TSGA10: variants seen among roughly 807,000 people sequenced by gnomAD.
TSGA10 encodes testis-specific gene 10 protein.
Under a neutral mutation model 96.6 loss-of-function variants are expected in TSGA10, and 43 were observed. That is an observed-to-expected ratio of 0.44 (90% CI 0.35 to 0.57). The LOEUF (loss-of-function observed/expected upper bound fraction) is 0.57, where lower values mean the gene tolerates loss of function less well. TSGA10 is among the 20% of genes least tolerant of loss of function. The probability of loss-of-function intolerance (pLI) is 0.01; values close to 1 mark genes in which losing one functional copy is unlikely to be tolerated. For missense variants in TSGA10, 703 were observed against 834.4 expected, an observed-to-expected ratio of 0.84 and a Z score of 1.94; for synonymous variants, 229 against 269.9, an observed-to-expected ratio of 0.85 and a Z score of 1.48.
chr2:99,030,769 C>T (rs1408399048), intron 17 of TSGA10, among the ~76,000 whole-genome samples: 4 of 152,144 alleles, frequency 2.6e-5, no homozygotes, highest in African/African-American at 7.2e-5. Context: ...AAAAAGAATA[C>T]TTCTTTTTAT....
At chr2:99,084,063 C>G (rs2087918857) in intron 10 of TSGA10, among the ~76,000 whole-genome samples, 1 of 151,986 alleles carries the variant, frequency 6.6e-6, no homozygotes, top group South Asian at 2.1e-4. Flanking sequence ...TTGTAACTTC[C>G]TACAAATTAT....
At chr2:99,111,590 T>C (rs569352197) in intron 4 of TSGA10, among the ~76,000 whole-genome samples, 1 of 152,314 alleles carries the variant, frequency 6.6e-6, no homozygotes, top group African/African-American at 2.4e-5. Flanking sequence ...CTGGAATTAT[T>C]GTACTTCATT....
At chr2:99,102,245 T>C in intron 10 of TSGA10, 1 of 1,612,594 alleles carries the variant, frequency 6.2e-7, no homozygotes, top group South Asian at 1.1e-5. Context: ...AGTTAGTACC[T>C]GGTGGCAAAG....
At position 99,108,845 on chromosome 2, in the gene TSGA10, A is replaced by G; in HGVS notation, c.198T>C (p.Leu66=). Residue 66 remains leucine (L), a synonymous_variant, in exon 7 of 21, where the codon CTT becomes CTC. Transcript: ENST00000393483. ...TTTGTAAGTTTACCTGTTCATAAAG[A>G]AGGAAGATCTTGTCTCTCTCAGATT... is the stretch of plus-strand genomic sequence containing the variant. ...VLKSERDKIF[L]LYEQAQEEIT... The G allele has an allele frequency of 6.4e-7, 1 of 1,571,038 alleles. No homozygotes were observed. The highest frequency in any genetic ancestry group is 8.6e-7 in the Non-Finnish European group (1 of 1,166,414).
At chr2:99,074,000 CTTTTTTTTTTTTTTTTTTT>C (rs1167854716) in intron 12 of TSGA10, among the ~76,000 whole-genome samples, 1 of 52,608 alleles carries the variant, frequency 1.9e-5, no homozygotes, top group African/African-American at 7.5e-5. Flanking sequence ...TGTTTCTTTT[CTTTTTTTTTTTTTTTTTTT>C]TTTTTTTTTT....
At chr2:99,036,971 C>A (rs150196164) in intron 16 of TSGA10, among the ~76,000 whole-genome samples, 3 of 151,980 alleles carry the variant, frequency 2.0e-5, no homozygotes, top group South Asian at 2.1e-4. Flanking sequence ...TGCCAACATA[C>A]GTAAGCCAAA....
Position 99,104,537 on chromosome 2 carries a change from CG to C in TSGA10, c.460-420del, listed in dbSNP as rs2091129380. ...TCGCCCAGGTTGAAGTGCAGTGGCG[CG>C]ATCTCGGCTCACTGCAATCTCCACC... On this transcript the variant is annotated intron_variant, in intron 9 of 20. Transcript: ENST00000393483. Among the ~76,000 whole-genome samples, 2 of 151,614 alleles carry C rather than the reference CG, an allele frequency of 1.3e-5. 1 individual carries two copies. Among genetic ancestry groups the C allele is most frequent in the African/African-American group, 4.9e-5 (2 of 41,218 alleles).
intron 1 of TSGA10, among the ~76,000 whole-genome samples, chr2:99,128,937 A>G (rs530725644): frequency 3.0e-4 from 45 of 152,292 alleles, no homozygotes; most frequent in African/African-American, 1.0e-3. Flanking sequence ...TTGTAGAGTC[A>G]GGGTCTCCCT....
At chr2:99,055,119 T>G (rs186051773) in intron 16 of TSGA10, among the ~76,000 whole-genome samples, 6 of 152,332 alleles carry the variant, frequency 3.9e-5, no homozygotes, top group Admixed American at 2.6e-4. Context: ...TGTCCATCAG[T>G]GGCTGAATGG....
intron 16 of TSGA10, among the ~76,000 whole-genome samples, chr2:99,050,231 A>T (rs1210206175): frequency 6.6e-6 from 1 of 152,168 alleles, no homozygotes; most frequent in Non-Finnish European, 1.5e-5. Flanking sequence ...TCAGGTTTTT[A>T]AAAAGACACA....
intron 18 of TSGA10, 107 bp downstream of exon 18, chr2:99,020,173 T>C (rs2079879006): frequency 1.1e-6 from 1 of 884,798 alleles, no homozygotes; most frequent in Non-Finnish European, 1.7e-6. Flanking sequence ...TTCTGATCCT[T>C]AGGCAAAGTA....
chr2:99,122,810 A>G (rs2092646708), intron 2 of TSGA10, among the ~76,000 whole-genome samples: 1 of 151,778 alleles, frequency 6.6e-6, no homozygotes, highest in Non-Finnish European at 1.5e-5. Flanking sequence ...AAAAGAAAGA[A>G]AGAAATTCTG....
rs1351293862 is a variant in TSGA10 at position 99,105,553 on chromosome 2, G to A, written c.355C>T (p.Arg119Ter). The A allele has an allele frequency of 6.2e-7, 1 of 1,612,124 alleles. No individual in the cohort carries two copies. Among genetic ancestry groups the A allele is most frequent in the Non-Finnish European group, 8.5e-7 (1 of 1,178,390 alleles). Reference protein sequence around the residue: ...FTDLRRMTTERDSLRERLKIA... With the variant: ...FTDLRRMTTE ...TTTAGCCTCTCCCTTAGACTATCTC[G>A]TTCTGTGGTCATTCTTCGTAAATCA... The change falls in exon 8 of 21, where the codon CGA (arginine) becomes TGA (stop). Residue 119 changes from arginine (R) to a stop codon, truncating the protein, a stop_gained. Transcript: ENST00000393483. LOFTEE classifies it high-confidence loss of function.
intron 2 of TSGA10, among the ~76,000 whole-genome samples, chr2:99,119,110 T>C (rs1401526540): frequency 6.6e-6 from 1 of 152,198 alleles, no homozygotes; most frequent in Non-Finnish European, 1.5e-5. Context: ...CAAACAGCTA[T>C]AGAGTTATCG....
intron 20 of TSGA10, among the ~76,000 whole-genome samples, chr2:99,001,096 T>C (rs1398807407): frequency 6.6e-6 from 1 of 152,206 alleles, no homozygotes; most frequent in Non-Finnish European, 1.5e-5. Context: ...TAAACGTCCC[T>C]GTCTGACAGC....
chr2:99,061,782 C>A (rs1038838331), intron 16 of TSGA10, among the ~76,000 whole-genome samples: 4 of 152,156 alleles, frequency 2.6e-5, no homozygotes, highest in Admixed American at 2.6e-4. Context: ...TACGTTGAAC[C>A]CTAACCCCCT....
In TSGA10 at chr2:99,101,655, A is replaced by G. The variant is rs139844657; in HGVS notation, c.611+2312T>C. 2.6e-5 allele frequency among the ~76,000 whole-genome samples: 4 copies of G among 152,362 alleles called. No individual in the cohort carries two copies. In the East Asian group the frequency reaches 7.7e-4, roughly 29 times the overall value. ...AGAGAGCTAACATTAACAAAGAATT[A>G]TAAAAACAAAAGGAGAGAGAGAGAA... On this transcript the variant is annotated intron_variant, in intron 10 of 20. Coordinates refer to ENST00000393483, the MANE Select transcript of TSGA10 (RefSeq NM_025244.4).
chr2:99,102,601 C>T, intron 10 of TSGA10: 4 of 1,614,074 alleles, frequency 2.5e-6, no homozygotes, highest in Non-Finnish European at 3.4e-6. Context: ...GCTGTACATG[C>T]TCAGTTTATT....
intron 10 of TSGA10, among the ~76,000 whole-genome samples, chr2:99,088,978 A>G (rs1305158025): frequency 2.6e-5 from 4 of 152,228 alleles, no homozygotes; most frequent in African/African-American, 7.2e-5. Flanking sequence ...CAAGAACTAC[A>G]GAAGGAACAT....
Sources: gnomAD v4.1 joint callset for allele counts (sites outside exome capture counted in the v4.1 genomes callset) on GRCh38, gnomAD v4.1.1 for gene constraint, MANE v1.5 for transcripts, NCBI Gene and HGNC (gene_info 2026-07-23, HGNC 2026-07-21) for gene names.